WNK1: variants seen among roughly 807,000 people sequenced by gnomAD.
The protein encoded by WNK1 is WNK lysine deficient protein kinase 1.
In WNK1, 38 loss-of-function variants were observed where a neutral mutation model predicts 222.8. The ratio of observed to expected loss-of-function variants is 0.17; its 90% CI spans 0.13 to 0.22. The LOEUF (loss-of-function observed/expected upper bound fraction) is 0.22. WNK1 is among the 10% of genes least tolerant of loss of function. The probability of loss-of-function intolerance (pLI) is 1.00; values close to 1 mark genes in which losing one functional copy is unlikely to be tolerated. For missense variants in WNK1, 2,348 were observed against 2,918.4 expected (o/e 0.80, Z 4.50); for synonymous variants, 1,090 against 1,092.9 (o/e 1.00, Z 0.05).
chr12:894,455 C>G, intron 22 of WNK1, 107 bp from the exon 23 acceptor site: 1 of 940,992 alleles, frequency 1.1e-6, no homozygotes, highest in Non-Finnish European at 1.7e-6. Context: ...TTGCCTCTAA[C>G]AGCTTTCCTC....
At chr12:823,897 C>T (rs552628143) in intron 2 of WNK1, among the ~76,000 whole-genome samples, 2 of 128,384 alleles carry the variant, frequency 1.6e-5, no homozygotes, top group African/African-American at 5.7e-5. Flanking sequence ...ATATCAGAGA[C>T]ATCTTTTTTT....
intron 2 of WNK1, among the ~76,000 whole-genome samples, chr12:820,187 C>G (rs1312574022): frequency 6.6e-6 from 1 of 152,108 alleles, no homozygotes; most frequent in East Asian, 1.9e-4. Flanking sequence ...GTCTTCTAAT[C>G]CGTGAACACA....
chr12:878,382 T>A (rs1021056482), intron 10 of WNK1, 21 bp downstream of exon 10: 6 of 1,597,328 alleles, frequency 3.8e-6, no homozygotes, highest in Non-Finnish European at 4.3e-6. Context: ...TTTTTTTTTT[T>A]AAACAGGTAA....
At chr12:760,455 A>C (rs547792580) in intron 1 of WNK1, among the ~76,000 whole-genome samples, 2 of 147,802 alleles carry the variant, frequency 1.4e-5, no homozygotes, top group African/African-American at 4.8e-5. Context: ...AATATGTCTT[A>C]CTGATTTAGG....
At chr12:766,871 G>GA (rs1296023951) in intron 1 of WNK1, among the ~76,000 whole-genome samples, 2 of 152,036 alleles carry the variant, frequency 1.3e-5, no homozygotes, top group African/African-American at 4.8e-5. Flanking sequence ...CCGCCTCCCA[G>GA]GTTCAAGTGA....
chr12:908,861 G>GGGGGCCA lies in WNK1; in HGVS notation c.*69_*70insGGGGCCA. The GGGGGCCA allele has an allele frequency of 2.0e-6, 1 of 491,844 alleles. No individual in the cohort carries two copies. The highest frequency in any genetic ancestry group is 4.1e-6 in the Non-Finnish European group (1 of 241,768). The allele number at this position is 491,844 out of a possible 1,614,324, so 30.5% of individuals were successfully genotyped here. A position where few individuals can be genotyped will look rare whatever the true frequency, so the allele number is the denominator to read the frequency against. ...ATGCTGAGGGGGTGGGTGGGGGTGG[G>GGGGGCCA]AAGTAGCCTATATACTAACTACTAG... On this transcript the variant is annotated 3_prime_UTR_variant, in exon 28 of 28. Transcript: ENST00000315939.
rs143309135 is a variant in WNK1 at position 840,190 on chromosome 12, C to A, written c.1311+10030C>A. 9.6e-4 allele frequency among the ~76,000 whole-genome samples: 146 copies of A among 151,858 alleles called. 2 individuals are homozygous for A. Among genetic ancestry groups the A allele is most frequent in the South Asian group, 7.7e-3 (37 of 4,796 alleles). ...TCACCGAGGCTTGAGTGCAGTGGTA[C>A]AATCATAGCTCTCTGTAGCCTTGAA... is the stretch of plus-strand genomic sequence containing the variant. On this transcript the variant is annotated intron_variant, in intron 4 of 27. Transcript: ENST00000315939.
intron 8 of WNK1, among the ~76,000 whole-genome samples, chr12:862,639 T>A (rs1951305847): frequency 6.6e-6 from 1 of 152,240 alleles, no homozygotes; most frequent in South Asian, 2.1e-4. Context: ...AAGTATTTCC[T>A]GTAAGATTCC....
chr12:812,218 G>A (rs985094025), intron 1 of WNK1, among the ~76,000 whole-genome samples: 1 of 152,114 alleles, frequency 6.6e-6, no homozygotes, highest in African/African-American at 2.4e-5. Flanking sequence ...GAGACTCAGA[G>A]GCCCAATTTC....
intron 26 of WNK1, 91 bp from the exon 27 acceptor site, chr12:907,756 G>T: frequency 7.0e-7 from 1 of 1,428,432 alleles, no homozygotes. Context: ...TCATTCTGTG[G>T]CTTGCCATTC....
At chr12:813,620 C>A in intron 1 of WNK1, 22 bp from the exon 2 acceptor site, 1 of 1,611,226 alleles carries the variant, frequency 6.2e-7, no homozygotes, top group South Asian at 1.1e-5. Flanking sequence ...AAACCACATT[C>A]TGTTTTGGTT....
chr12:827,011 T>C lies in WNK1; in HGVS notation c.933-31T>C, dbSNP rs368528209. ...CAAAGCAACAAACTCCTATCATTGA[T>C]AACTTGTTTGGTATACTTTGCTTTT... On this transcript the variant is annotated intron_variant, in intron 2 of 27. Transcript: ENST00000315939. The surrounding 1 kb of genome is among the most constrained non-coding windows in gnomAD (Gnocchi z 4.6). 1.2e-5 allele frequency: 19 copies of C among 1,570,448 alleles called. No individual in the cohort carries two copies. The highest frequency in any genetic ancestry group is 1.7e-5 in the Non-Finnish European group (19 of 1,142,358).
intron 1 of WNK1, among the ~76,000 whole-genome samples, chr12:763,275 C>T (rs1941266803): frequency 6.8e-6 from 1 of 147,178 alleles, no homozygotes; most frequent in African/African-American, 2.4e-5. Context: ...GTCAGAATGG[C>T]ACACAATTTA....
intron 1 of WNK1, 64 bp from the exon 2 acceptor site, chr12:813,578 A>T: frequency 6.5e-7 from 1 of 1,550,376 alleles, no homozygotes; most frequent in Non-Finnish European, 8.8e-7. Flanking sequence ...AGTGTCTAAG[A>T]TTAACTGTCT....
chr12:800,152 AT>A (rs910266133), intron 1 of WNK1, among the ~76,000 whole-genome samples: 9 of 152,030 alleles, frequency 5.9e-5, no homozygotes, highest in African/African-American at 9.7e-5. Flanking sequence ...TCAAAAAAAA[AT>A]TTTTTTTAAA....
chr12:824,806 A>G (rs1366835664), intron 2 of WNK1, among the ~76,000 whole-genome samples: 1 of 152,174 alleles, frequency 6.6e-6, no homozygotes. Context: ...ATTATATAGA[A>G]AAGGCAAAAG....
chr12:865,012 C>T, intron 8 of WNK1: 1 of 1,387,526 alleles, frequency 7.2e-7, no homozygotes, highest in Non-Finnish European at 9.4e-7. Flanking sequence ...GAGGATGGAA[C>T]ATTTCTTCAT....
chr12:810,074 AC>A (rs1247771417), intron 1 of WNK1, among the ~76,000 whole-genome samples: 14 of 152,134 alleles, frequency 9.2e-5, no homozygotes, highest in Non-Finnish European at 1.9e-4. Flanking sequence ...ACATGGCGAA[AC>A]CCTGTCTCTA....
chr12:812,695 G>C (rs983848052), intron 1 of WNK1, among the ~76,000 whole-genome samples: 1 of 152,064 alleles, frequency 6.6e-6, no homozygotes, highest in Non-Finnish European at 1.5e-5. Flanking sequence ...TTAATGAACA[G>C]GAAGGTAGAT....
Sources: gnomAD v4.1 joint callset for allele counts (sites outside exome capture counted in the v4.1 genomes callset) on GRCh38, gnomAD v4.1.1 for gene constraint, Gnocchi (gnomAD v3.1) non-coding constraint, MANE v1.5 for transcripts, NCBI Gene and HGNC (gene_info 2026-07-23, HGNC 2026-07-21) for gene names.